The following FBXL17 variants were observed in gnomAD, a reference collection of about 807,000 sequenced individuals.
FBXL17 encodes the protein F-box/LRR-repeat protein 17.
FBXL17 carries 22 observed loss-of-function variants against 66.2 expected under a neutral mutation model. That is an observed-to-expected ratio of 0.33 (90% CI 0.24 to 0.47). The LOEUF is 0.47. FBXL17 is among the 20% of genes least tolerant of loss of function. FBXL17 has a pLI of 1.00. For synonymous variants in FBXL17, 474 were observed against 400.5 expected, an observed-to-expected ratio of 1.18 and a Z score of -2.19; for missense variants, 878 against 948.2, an observed-to-expected ratio of 0.93 and a Z score of 0.97.
At chr5:108,084,231 C>G (rs1260263452) in intron 6 of FBXL17, among the ~76,000 whole-genome samples, 1 of 152,198 alleles carries the variant, frequency 6.6e-6, no homozygotes, top group East Asian at 1.9e-4. Context: ...TCTCTCCGAC[C>G]CTTCATTAGT....
chr5:108,342,816 A>G (rs1201103459), intron 4 of FBXL17, among the ~76,000 whole-genome samples: 1 of 152,152 alleles, frequency 6.6e-6, no homozygotes, highest in African/African-American at 2.4e-5. Context: ...ATAAAAGATA[A>G]CTTGTATCAA....
intron 7 of FBXL17, among the ~76,000 whole-genome samples, chr5:107,967,747 T>A (rs1752209327): frequency 6.6e-6 from 1 of 151,992 alleles, no homozygotes; most frequent in African/African-American, 2.4e-5. Context: ...CCAAATTAGA[T>A]GTAAATTACA....
intron 5 of FBXL17, among the ~76,000 whole-genome samples, chr5:108,190,837 C>T (rs1047166482): frequency 7.2e-5 from 11 of 152,004 alleles, no homozygotes; most frequent in African/African-American, 2.2e-4. Context: ...CTTTATAGGG[C>T]GTTTTTGATC....
In FBXL17 at chr5:108,016,165, G is replaced by C. The variant is rs571632709; in HGVS notation, c.1822+4760C>G. Among the ~76,000 whole-genome samples the C allele has an allele frequency of 4.8e-4, 73 of 152,288 alleles. 1 individual carries two copies. Among genetic ancestry groups the C allele is most frequent in the African/African-American group, 1.7e-3 (72 of 41,566 alleles). On this transcript the variant is annotated intron_variant, in intron 7 of 8. Coordinates refer to ENST00000542267, the MANE Select transcript of FBXL17 (RefSeq NM_001163315.3). ...ATGGACAAAGTGACCTCCTTGACTT[G>C]GAAGACCTTTTGCCCAGAGCAATTC...
Position 108,380,925 on chromosome 5 carries a change from T to G in FBXL17, c.767A>C (p.Gln256Pro), listed in dbSNP as rs987917493. ...GCCQAPEQPP[Q>P]PLCPPPSSPT... The stretch of plus-strand genomic sequence containing the variant: ...AGAAGAGGGCGGAGGGCAGAGCGGC[T>G]GCGGGGGCTGCTCCGGGGCCTGGCA... The change falls in exon 1 of 9, where the codon CAG becomes CCG. Residue 256 changes from glutamine to proline, a missense_variant. Around this residue, in one of 4 missense-constraint regions of FBXL17, gnomAD observed 605 missense variants for 509.5 expected, o/e 1.19. Coordinates refer to ENST00000542267, the MANE Select transcript of FBXL17 (RefSeq NM_001163315.3). 21 of 1,220,788 alleles carry G rather than the reference T, an allele frequency of 1.7e-5. No individual in the cohort carries two copies. Among genetic ancestry groups the G allele is most frequent in the Admixed American group, 8.5e-5 (2 of 23,494 alleles). 75.6% of individuals were successfully genotyped at this position (1,220,788 alleles called of 1,614,324 possible).
At chr5:107,884,124 C>A (rs191097507) in intron 7 of FBXL17, among the ~76,000 whole-genome samples, 14 of 152,148 alleles carry the variant, frequency 9.2e-5, no homozygotes, top group African/African-American at 3.1e-4. Flanking sequence ...CTTGATGTTA[C>A]GAAGTTTATA....
intron 4 of FBXL17, among the ~76,000 whole-genome samples, chr5:108,278,942 A>T (rs767288666): frequency 5.9e-5 from 9 of 152,124 alleles, no homozygotes; most frequent in Middle Eastern, 3.4e-3. Flanking sequence ...AAGGTTACAA[A>T]CCCAATCCAC....
intron 4 of FBXL17, among the ~76,000 whole-genome samples, chr5:108,249,981 G>A (rs1756273675): frequency 2.0e-5 from 3 of 151,974 alleles, no homozygotes; most frequent in Admixed American, 6.6e-5. Context: ...CACATTTTTG[G>A]CATGCAAGAA....
At chr5:108,321,114 T>A (rs1385118165) in intron 4 of FBXL17, among the ~76,000 whole-genome samples, 1 of 151,030 alleles carries the variant, frequency 6.6e-6, no homozygotes, top group Non-Finnish European at 1.5e-5. Context: ...TCACATCCAA[T>A]ATAACTGCTG....
chr5:107,998,039 A>C (rs977486599), intron 7 of FBXL17, among the ~76,000 whole-genome samples: 1 of 152,248 alleles, frequency 6.6e-6, no homozygotes, highest in African/African-American at 2.4e-5. Context: ...TAGATAGTCC[A>C]AATTGAGATG....
At chr5:107,973,584 G>C (rs1269948008) in intron 7 of FBXL17, among the ~76,000 whole-genome samples, 1 of 151,738 alleles carries the variant, frequency 6.6e-6, no homozygotes, top group Non-Finnish European at 1.5e-5. Context: ...ATATAACCTT[G>C]AATTTGTTCC....
intron 6 of FBXL17, among the ~76,000 whole-genome samples, chr5:108,110,521 T>C (rs929922414): frequency 6.6e-5 from 10 of 152,198 alleles, no homozygotes; most frequent in African/African-American, 2.4e-4. Flanking sequence ...TTTTATCAAA[T>C]TTGTAAACAG....
chr5:107,905,237 A>G (rs1749716048), intron 7 of FBXL17, among the ~76,000 whole-genome samples: 1 of 151,790 alleles, frequency 6.6e-6, no homozygotes, highest in Admixed American at 6.6e-5. Flanking sequence ...ACATAAAAAC[A>G]GTTTGTAACT....
At chr5:108,014,881 G>T (rs1754321090) in intron 7 of FBXL17, among the ~76,000 whole-genome samples, 1 of 152,114 alleles carries the variant, frequency 6.6e-6, no homozygotes, top group Non-Finnish European at 1.5e-5. Flanking sequence ...ATGTCAGCAG[G>T]CAAGAGAGAA....
At chr5:107,995,054 C>T (rs1052541472) in intron 7 of FBXL17, among the ~76,000 whole-genome samples, 1 of 152,098 alleles carries the variant, frequency 6.6e-6, no homozygotes, top group African/African-American at 2.4e-5. Flanking sequence ...ATTCTGGTTA[C>T]AGAGTGTATT....
chr5:108,337,206 A>C (rs1462177234), intron 4 of FBXL17, among the ~76,000 whole-genome samples: 1 of 151,764 alleles, frequency 6.6e-6, no homozygotes, highest in African/African-American at 2.4e-5. Context: ...CCATGAGCCA[A>C]GATCGTGCCA....
At chr5:108,228,070 T>G (rs976907124) in intron 4 of FBXL17, among the ~76,000 whole-genome samples, 3 of 151,930 alleles carry the variant, frequency 2.0e-5, no homozygotes, top group Admixed American at 1.3e-4. Context: ...AGAGAAAAAG[T>G]GGGGTTTGAA....
At chr5:108,068,458 T>TTTTTTTTTTTG (rs1561394473) in intron 6 of FBXL17, among the ~76,000 whole-genome samples, 1 of 120,330 alleles carries the variant, frequency 8.3e-6, no homozygotes, top group Non-Finnish European at 1.8e-5. Flanking sequence ...TTTCTTTTTT[T>TTTTTTTTTTTG]GGGGGGGGGG....
At chr5:108,338,962 T>A (rs1746695881) in intron 4 of FBXL17, among the ~76,000 whole-genome samples, 1 of 152,136 alleles carries the variant, frequency 6.6e-6, no homozygotes, top group Non-Finnish European at 1.5e-5. Flanking sequence ...TATCTTTGCC[T>A]GAAGACAGGG....
Sources: allele counts gnomAD v4.1 joint callset (sites outside exome capture counted in the v4.1 genomes callset), GRCh38; gene constraint gnomAD v4.1.1; regional missense constraint gnomAD v4.1.1; transcripts MANE v1.5; gene names NCBI Gene and HGNC (gene_info 2026-07-23, HGNC 2026-07-21).